Variants in FAM107B observed in about 807,000 individuals in gnomAD.
The protein encoded by FAM107B is protein FAM107B.
A neutral mutation model predicts 31.5 loss-of-function variants in FAM107B; 21 were observed. The ratio of observed to expected loss-of-function variants is 0.67; its 90% CI spans 0.47 to 0.96. The LOEUF is 0.96. Ranked by LOEUF, FAM107B falls within the 40% of genes least tolerant of loss-of-function variation. FAM107B has a pLI of 0.00. For synonymous variants in FAM107B, 157 were observed against 141.5 expected, an observed-to-expected ratio of 1.11 and a Z score of -0.78; for missense variants, 452 against 377.1, an observed-to-expected ratio of 1.20 and a Z score of -1.64.
At chr10:14,574,548 C>A (rs943163343) in intron 2 of FAM107B, among the ~76,000 whole-genome samples, 3 of 152,186 alleles carry the variant, frequency 2.0e-5, no homozygotes, top group African/African-American at 4.8e-5. Flanking sequence ...CACCTCTTGG[C>A]AGCCCATCAG....
chr10:14,671,606 T>C (rs1854544733), intron 1 of FAM107B, among the ~76,000 whole-genome samples: 1 of 152,060 alleles, frequency 6.6e-6, no homozygotes, highest in South Asian at 2.1e-4. Flanking sequence ...CTAATGAGAT[T>C]TTTCTCTGGA....
chr10:14,646,335 C>T (rs933673569), intron 2 of FAM107B, among the ~76,000 whole-genome samples: 2 of 152,088 alleles, frequency 1.3e-5, no homozygotes, highest in African/African-American at 4.8e-5. Flanking sequence ...TCCTCACCCC[C>T]GTCCACCCTC....
Position 14,632,284 on chromosome 10 carries a change from G to T in FAM107B, c.469+35350C>A, listed in dbSNP as rs372026233. ...CTGCACTCCAGACTCCAGCCTGGGGGACAGAGCGAGACTCTGTCTCAAAAA... is the reference window on the plus strand; with the variant it reads ...CTGCACTCCAGACTCCAGCCTGGGGTACAGAGCGAGACTCTGTCTCAAAAA... On this transcript the variant is annotated intron_variant, in intron 2 of 4. Transcript: ENST00000181796. Among the ~76,000 whole-genome samples, 24 of 132,774 alleles carry T rather than the reference G, an allele frequency of 1.8e-4. No individual in the cohort carries two copies. The East Asian group carries it at 3.2e-3, about 18-fold the overall frequency. 87.1% of individuals were successfully genotyped at this position (132,774 alleles called of 152,430 possible). A position where few individuals can be genotyped will look rare whatever the true frequency, so the allele number is the denominator to read the frequency against.
intron 1 of FAM107B, among the ~76,000 whole-genome samples, chr10:14,755,117 G>A (rs1182853534): frequency 1.3e-5 from 2 of 152,142 alleles, no homozygotes; most frequent in East Asian, 1.9e-4. Flanking sequence ...CCAACCAGTT[G>A]AGCCAAGTCA....
intron 1 of FAM107B, among the ~76,000 whole-genome samples, chr10:14,687,924 G>C (rs1855029346): frequency 6.6e-6 from 1 of 152,160 alleles, no homozygotes. Context: ...GTATCAACTT[G>C]ATTGGATTGA....
chr10:14,522,469 A>T (rs1378360737), intron 3 of FAM107B, among the ~76,000 whole-genome samples: 2 of 150,718 alleles, frequency 1.3e-5, no homozygotes, highest in African/African-American at 4.9e-5. Context: ...GCTGGAGTGC[A>T]GTGGCAGGCA....
At chr10:14,764,909 T>C (rs1257823037) in intron 1 of FAM107B, among the ~76,000 whole-genome samples, 1 of 152,224 alleles carries the variant, frequency 6.6e-6, no homozygotes, top group African/African-American at 2.4e-5. Context: ...TGTCAATAAG[T>C]TGAAATCTCC....
chr10:14,679,662 A>T (rs1854780341), intron 1 of FAM107B, among the ~76,000 whole-genome samples: 1 of 152,200 alleles, frequency 6.6e-6, no homozygotes, highest in South Asian at 2.1e-4. Context: ...TGTGATGGTT[A>T]ATACTGAGTG....
intron 2 of FAM107B, among the ~76,000 whole-genome samples, chr10:14,549,117 C>A (rs1849018835): frequency 6.6e-6 from 1 of 152,202 alleles, no homozygotes; most frequent in Non-Finnish European, 1.5e-5. Context: ...ACCCAATCTG[C>A]TGGCACCTTG....
intron 1 of FAM107B, among the ~76,000 whole-genome samples, chr10:14,730,241 C>T (rs1170026342): frequency 2.0e-5 from 3 of 152,046 alleles, no homozygotes; most frequent in Admixed American, 6.6e-5. Context: ...GTTTCATATC[C>T]GGAGATGGGA....
intron 2 of FAM107B, among the ~76,000 whole-genome samples, chr10:14,653,184 A>G (rs1390085622): frequency 2.0e-5 from 3 of 152,252 alleles, no homozygotes; most frequent in African/African-American, 7.2e-5. Context: ...GCCAAATACT[A>G]GAATCAGGCC....
chr10:14,751,772 G>A (rs1048366571), intron 1 of FAM107B, among the ~76,000 whole-genome samples: 1 of 152,120 alleles, frequency 6.6e-6, no homozygotes, highest in African/African-American at 2.4e-5. Context: ...TGTTCCGCAA[G>A]AGCTGCAGGG....
chr10:14,673,857 G>A (rs975605070), intron 1 of FAM107B, among the ~76,000 whole-genome samples: 36 of 152,122 alleles, frequency 2.4e-4, no homozygotes, highest in African/African-American at 8.7e-4. Context: ...GCATTTTCCT[G>A]ATGATTAGTG....
chr10:14,768,659 T>C (rs1475960022), intron 1 of FAM107B, among the ~76,000 whole-genome samples: 2 of 152,224 alleles, frequency 1.3e-5, no homozygotes, highest in Admixed American at 6.5e-5. Context: ...TTAAAACAGT[T>C]ACAATGGTAA....
At chr10:14,565,465 G>T (rs17155480) in intron 2 of FAM107B, among the ~76,000 whole-genome samples, 1 of 151,972 alleles carries the variant, frequency 6.6e-6, no homozygotes, top group Non-Finnish European at 1.5e-5. Context: ...CAGACTCCCC[G>T]GGGAAAGAAT....
At chr10:14,771,852 C>T (rs7089723) in intron 1 of FAM107B, among the ~76,000 whole-genome samples, 4,805 of 152,208 alleles carry the variant, frequency 0.032, 105 homozygotes, top group Admixed American at 0.06. Flanking sequence ...GAGTATCAAG[C>T]GAGATCACAT....
intron 1 of FAM107B, among the ~76,000 whole-genome samples, chr10:14,732,976 T>C (rs1856210131): frequency 6.8e-6 from 1 of 146,730 alleles, no homozygotes; most frequent in Admixed American, 6.9e-5. Context: ...TTGTATTCTA[T>C]AGAATACAAT....
intron 2 of FAM107B, among the ~76,000 whole-genome samples, chr10:14,588,785 T>C (rs1851925137): frequency 6.6e-6 from 1 of 151,958 alleles, no homozygotes; most frequent in Admixed American, 6.6e-5. Flanking sequence ...CCCCAGGATG[T>C]TACTGTTACT....
intron 2 of FAM107B, among the ~76,000 whole-genome samples, chr10:14,570,906 T>C (rs7076312): frequency 0.12 from 17,659 of 151,200 alleles, 1,149 homozygotes; most frequent in Non-Finnish European, 0.15. Flanking sequence ...GAGGAGGTGA[T>C]GGCAATGAGC....
Sources: gnomAD v4.1 joint callset for allele counts (sites outside exome capture counted in the v4.1 genomes callset) on GRCh38, gnomAD v4.1.1 for gene constraint, MANE v1.5 for transcripts, NCBI Gene and HGNC (gene_info 2026-07-23, HGNC 2026-07-21) for gene names.